PDGFRB: variants seen among roughly 807,000 people sequenced by gnomAD.
PDGFRB encodes platelet-derived growth factor receptor beta.
PDGFRB carries 42 observed loss-of-function variants against 120.2 expected under a neutral mutation model. That is an observed-to-expected ratio of 0.35 (90% CI 0.27 to 0.45). The LOEUF (loss-of-function observed/expected upper bound fraction) is 0.45, where lower values mean the gene tolerates loss of function less well. Among genes scored for constraint, PDGFRB ranks in the 20% least tolerant of loss-of-function variants. PDGFRB has a pLI of 1.00. For missense variants in PDGFRB, 1,149 were observed against 1,476.3 expected, an observed-to-expected ratio of 0.78 and a Z score of 3.63; for synonymous variants, 586 against 606.8, an observed-to-expected ratio of 0.97 and a Z score of 0.50.
In PDGFRB at chr5:150,121,954, A is replaced by C. The variant is rs922382503; in HGVS notation, c.2270T>G (p.Met757Arg). 1.2e-6 allele frequency: 2 copies of C among 1,613,336 alleles called. No individual in the cohort carries two copies. The highest frequency in any genetic ancestry group is 2.7e-5 in the African/African-American group (2 of 74,900). ...GTCTGCATATTTGACGTCTCCTTTC[A>C]TGTCCAGCATGGGCACATAGTCCAC... Reference protein sequence around the residue: ...ESVDYVPMLDMKGDVKYADIE... With the variant: ...ESVDYVPMLDRKGDVKYADIE... The change falls in exon 16 of 23, where the codon ATG becomes AGG. Residue 757 changes from methionine (M) to arginine (R), a missense_variant. Physicochemically the swap from Met to Arg is moderately conservative, Grantham distance 91. Around this residue, in one of 3 missense-constraint regions of PDGFRB, gnomAD observed 879 missense variants for 1,108.6 expected, o/e 0.79. Transcript: ENST00000261799. This position sits in a 1 kb window ranked among gnomAD's most constrained non-coding sequence, Gnocchi z 4.1.
chr5:150,119,226 G>A (rs1760056357), intron 20 of PDGFRB, among the ~76,000 whole-genome samples: 1 of 152,190 alleles, frequency 6.6e-6, no homozygotes, highest in South Asian at 2.1e-4. Flanking sequence ...ACATGAGACT[G>A]GCACTGCTGG....
intron 15 of PDGFRB, 101 bp from the exon 16 acceptor site, chr5:150,122,141 A>G (rs1314470201): frequency 2.4e-6 from 2 of 845,220 alleles, no homozygotes; most frequent in East Asian, 2.6e-5. Context: ...TCACACACTC[A>G]CTCATCTTCC....
Position 150,130,634 on chromosome 5 carries a change from C to G in PDGFRB, c.1272G>C (p.Glu424Asp). The stretch of plus-strand genomic sequence containing the variant: ...TCTGTTCCCCACTGTCAGGGTGGCT[C>G]TCACTTAGCTCCAGCACTCGGACAG... Reference protein sequence around the residue: ...NVPVRVLELSESHPDSGEQTV... With the variant: ...NVPVRVLELSDSHPDSGEQTV... The change falls in exon 9 of 23, where the codon GAG becomes GAC. Residue 424 changes from glutamate (E) to aspartate (D), a missense_variant. Glu to Asp is a conservative substitution (Grantham distance 45). Coordinates refer to ENST00000261799, the MANE Select transcript of PDGFRB (RefSeq NM_002609.4). 1 of 1,613,228 alleles carries G rather than the reference C, an allele frequency of 6.2e-7. No homozygotes were observed. Among genetic ancestry groups the G allele is most frequent in the Non-Finnish European group, 8.5e-7 (1 of 1,179,796 alleles).
At chr5:150,136,440 A>C (rs917295183) in intron 2 of PDGFRB, among the ~76,000 whole-genome samples, 6 of 152,068 alleles carry the variant, frequency 3.9e-5, no homozygotes, top group African/African-American at 1.4e-4. Flanking sequence ...CATCCCCTGG[A>C]GAAGGATTTT....
chr5:150,147,884 G>C (rs1010275524), intron 1 of PDGFRB, among the ~76,000 whole-genome samples: 1 of 152,172 alleles, frequency 6.6e-6, no homozygotes, highest in African/African-American at 2.4e-5. Context: ...AAAGTTGGTG[G>C]CCACATTATT....
At position 150,133,944 on chromosome 5, in the gene PDGFRB, G is replaced by A; in HGVS notation, c.696C>T (p.Thr232=). The change falls in exon 5 of 23, where the codon ACC becomes ACT. Residue 232 remains threonine, a synonymous_variant. Coordinates refer to ENST00000261799, the MANE Select transcript of PDGFRB (RefSeq NM_002609.4). ...CATTCCCGATCACAATGCACATGAG[G>A]GTGATGTTCTCACCCTGGCGGACCA... The part of the protein sequence containing the change: ...QTVVRQGENI[T]LMCIVIGNEV... 1 of 1,613,750 alleles carries A rather than the reference G, an allele frequency of 6.2e-7. No individual in the cohort carries two copies. The highest frequency in any genetic ancestry group is 8.5e-7 in the Non-Finnish European group (1 of 1,179,664).
intron 1 of PDGFRB, among the ~76,000 whole-genome samples, chr5:150,146,375 T>C (rs1234562128): frequency 6.6e-6 from 1 of 152,184 alleles, no homozygotes; most frequent in Non-Finnish European, 1.5e-5. Flanking sequence ...TCTGGAGATT[T>C]TGTTTCATCC....
intron 13 of PDGFRB, 94 bp from the exon 14 acceptor site, chr5:150,124,454 T>G (rs1270412976): frequency 5.5e-6 from 5 of 916,096 alleles, no homozygotes; most frequent in South Asian, 4.7e-5. Context: ...TGCCCCGCCC[T>G]GTGCTGCAAG....
At chr5:150,124,620 C>T in intron 13 of PDGFRB, 107 bp downstream of exon 13, 1 of 640,824 alleles carries the variant, frequency 1.6e-6, no homozygotes. Context: ...GATGGCCCCT[C>T]TAGTGCCTGC....
chr5:150,128,479 G>A (rs758238401), intron 10 of PDGFRB, among the ~76,000 whole-genome samples: 4 of 152,106 alleles, frequency 2.6e-5, no homozygotes, highest in Non-Finnish European at 4.4e-5. Flanking sequence ...TAGATCTGCC[G>A]ACCCCTGTAG....
chr5:150,131,040 C>T (rs527351657), intron 8 of PDGFRB, among the ~76,000 whole-genome samples: 56 of 152,156 alleles, frequency 3.7e-4, no homozygotes, highest in African/African-American at 1.3e-3. Flanking sequence ...CATGTGATGC[C>T]GATTTTCCAC....
Position 150,135,828 on chromosome 5 carries a change from G to A in PDGFRB, c.91C>T (p.Gln31Ter), listed in dbSNP as rs764493388. Residue 31 changes from glutamine to a stop codon, truncating the protein, a stop_gained, in exon 3 of 23, where the codon CAG (glutamine) becomes TAG (stop). Coordinates refer to ENST00000261799, the MANE Select transcript of PDGFRB (RefSeq NM_002609.4). LOFTEE classifies it high-confidence loss of function. ...LLLLLEPQIS[Q>*]GLVVTPPGPE... ...CCCGGGGGTGTGACGACCAGGCCCT[G>A]AGAGATCTGTGGTTCCAGAAGTAAC... 1 of 1,557,898 alleles carries A rather than the reference G, an allele frequency of 6.4e-7. No homozygotes were observed. The highest frequency in any genetic ancestry group is 8.7e-7 in the Non-Finnish European group (1 of 1,152,658).
At chr5:150,154,993 C>T (rs1030356748) in intron 1 of PDGFRB, among the ~76,000 whole-genome samples, 1 of 152,236 alleles carries the variant, frequency 6.6e-6, no homozygotes, top group African/African-American at 2.4e-5. Context: ...CAAGGAACAG[C>T]GGCTATGGTC....
rs1759876739 is a variant in PDGFRB at position 150,114,877 on chromosome 5, C to A, written c.*886G>T. 4.3e-6 allele frequency: 1 copy of A among 233,380 alleles called. No individual in the cohort carries two copies. The highest frequency in any genetic ancestry group is 2.2e-5 in the African/African-American group (1 of 45,344). The allele number at this position is 233,380 out of a possible 1,614,324, so 14.5% of individuals were successfully genotyped here. On this transcript the variant is annotated 3_prime_UTR_variant, in exon 23 of 23. Coordinates refer to ENST00000261799, the MANE Select transcript of PDGFRB (RefSeq NM_002609.4). ...ATTCCTCCAAAGCCTCATAGCAGGT[C>A]CAATGCAGAGCCAGGGCCATATACT...
chr5:150,129,155 A>C (rs893027120), intron 10 of PDGFRB, among the ~76,000 whole-genome samples: 2 of 152,232 alleles, frequency 1.3e-5, no homozygotes, highest in African/African-American at 4.8e-5. Context: ...ACAGACATGC[A>C]CTATGCCAGT....
intron 1 of PDGFRB, among the ~76,000 whole-genome samples, chr5:150,155,067 G>A (rs115724103): frequency 0.013 from 1,928 of 151,910 alleles, 41 homozygotes; most frequent in African/African-American, 0.041. Context: ...CCCCTCTCCC[G>A]CTCTTCCCAG....
chr5:150,155,297 CTTTTTTTTTTTT>C (rs35505256), intron 1 of PDGFRB, 88 bp downstream of exon 1: 2 of 119,952 alleles, frequency 1.7e-5, no homozygotes, highest in East Asian at 2.3e-4. Flanking sequence ...AATATCTTCC[CTTTTTTTTTTTT>C]TTTTTTTTTT....
Position 150,122,525 on chromosome 5 carries a change from T to C in PDGFRB, c.2184-485A>G, listed in dbSNP as rs6882244. Among the ~76,000 whole-genome samples, 1,125 of 152,334 alleles carry C rather than the reference T, an allele frequency of 7.4e-3. 16 individuals are homozygous for C. The highest frequency in any genetic ancestry group is 0.026 in the African/African-American group (1,091 of 41,576). On this transcript the variant is annotated intron_variant, in intron 15 of 22. Transcript: ENST00000261799. ...TCCTGGGAGACTGAATGTCAAAACA[T>C]TGGAGAGGACATGAGTGGGTTTTAA...
intron 1 of PDGFRB, among the ~76,000 whole-genome samples, chr5:150,152,304 C>T (rs2113934823): frequency 6.6e-6 from 1 of 152,302 alleles, no homozygotes; most frequent in Middle Eastern, 3.4e-3. Context: ...TTTGAGGTAA[C>T]AGATGTAAAG....
Sources: gnomAD v4.1 joint callset for allele counts (sites outside exome capture counted in the v4.1 genomes callset) on GRCh38, gnomAD v4.1.1 for gene constraint, gnomAD v4.1.1 regional missense constraint, Gnocchi (gnomAD v3.1) non-coding constraint, MANE v1.5 for transcripts, NCBI Gene and HGNC (gene_info 2026-07-23, HGNC 2026-07-21) for gene names.